ROCK1: variants seen among roughly 807,000 people sequenced by gnomAD.
The protein encoded by ROCK1 is Rho associated coiled-coil containing protein kinase 1.
In ROCK1, 36 loss-of-function variants were observed where a neutral mutation model predicts 196.8. The ratio of observed to expected loss-of-function variants is 0.18; its 90% confidence interval spans 0.14 to 0.24. ROCK1 has a LOEUF of 0.24. ROCK1 is among the 10% of genes least tolerant of loss of function. The probability of loss-of-function intolerance (pLI) is 1.00; values close to 1 mark genes in which losing one functional copy is unlikely to be tolerated. For synonymous variants in ROCK1, 443 were observed against 515.9 expected (o/e 0.86, Z 1.91); for missense variants, 920 against 1,562.0 (o/e 0.59, Z 6.93).
intron 9 of ROCK1, among the ~76,000 whole-genome samples, chr18:21,038,291 T>C (rs907981343): frequency 2.0e-5 from 3 of 152,168 alleles, no homozygotes; most frequent in Non-Finnish European, 2.9e-5. Flanking sequence ...TCCTAGTATA[T>C]AATTGCTAAT....
intron 13 of ROCK1, among the ~76,000 whole-genome samples, chr18:21,011,286 T>A (rs768514955): frequency 5.3e-5 from 8 of 152,156 alleles, no homozygotes; most frequent in Non-Finnish European, 1.2e-4. Context: ...TTAGCATTCC[T>A]TTTGATTTAA....
In ROCK1 at chr18:21,039,591, A is replaced by C. The variant is rs766993703; in HGVS notation, c.960-28T>G. Reference sequence around the variant, plus strand: ...GAATAATGACAGAAGGAGAAAAGTAATCAATCATTTAAGATCTTATTATAA... The same window carrying C: ...GAATAATGACAGAAGGAGAAAAGTACTCAATCATTTAAGATCTTATTATAA... On this transcript the variant is annotated intron_variant, in intron 8 of 32. Transcript: ENST00000399799. 16 of 1,488,456 alleles carry C rather than the reference A, an allele frequency of 1.1e-5. No homozygotes were observed. The Admixed American group carries it at 2.7e-4, about 25-fold the overall frequency. 92.2% of individuals were successfully genotyped at this position (1,488,456 alleles called of 1,614,324 possible). A position where few individuals can be genotyped will look rare whatever the true frequency, so the allele number is the denominator to read the frequency against.
At chr18:21,060,368 T>C (rs2036278173) in intron 2 of ROCK1, among the ~76,000 whole-genome samples, 1 of 152,170 alleles carries the variant, frequency 6.6e-6, no homozygotes, top group Non-Finnish European at 1.5e-5. Context: ...CAGTAGCAAA[T>C]GCGGCAAGGA....
chr18:21,021,319 A>G (rs1404002760), intron 11 of ROCK1, among the ~76,000 whole-genome samples: 1 of 152,216 alleles, frequency 6.6e-6, no homozygotes, highest in Non-Finnish European at 1.5e-5. Context: ...GCTGGACATG[A>G]ATGAGATTAC....
intron 27 of ROCK1, among the ~76,000 whole-genome samples, chr18:20,962,459 T>C (rs1472433349): frequency 6.6e-6 from 1 of 152,224 alleles, no homozygotes; most frequent in Non-Finnish European, 1.5e-5. Context: ...AAAATTTGTA[T>C]GCCAAAATAC....
At position 21,058,308 on chromosome 18, in the gene ROCK1, C is replaced by G. The variant is rs924992518; in HGVS notation, c.176-8428G>C. 2.0e-5 allele frequency among the ~76,000 whole-genome samples: 3 copies of G among 151,996 alleles called. No individual in the cohort carries two copies. The East Asian group carries it at 5.8e-4, about 29-fold the overall frequency. ...AAACAAAAGATGTATTTTGCCTACC[C>G]TAAGATCCTAGATTATAAAACGTAC... is the stretch of plus-strand genomic sequence containing the variant. On this transcript the variant is annotated intron_variant, in intron 2 of 32. Transcript: ENST00000399799.
At chr18:21,025,666 G>A (rs2035949411) in intron 10 of ROCK1, among the ~76,000 whole-genome samples, 1 of 152,140 alleles carries the variant, frequency 6.6e-6, no homozygotes, top group Non-Finnish European at 1.5e-5. Flanking sequence ...AACCCAGGAG[G>A]CAGAGATTGC....
At chr18:20,975,369 G>C (rs1032522651) in intron 22 of ROCK1, among the ~76,000 whole-genome samples, 2 of 152,158 alleles carry the variant, frequency 1.3e-5, no homozygotes, top group African/African-American at 2.4e-5. Flanking sequence ...CTGGAAGTAG[G>C]AGAGTGACTA....
Position 20,964,061 on chromosome 18 carries a change from C to G in ROCK1, c.3352+2856G>C, listed in dbSNP as rs115821590. On this transcript the variant is annotated intron_variant, in intron 27 of 32. Coordinates refer to ENST00000399799, the MANE Select transcript of ROCK1 (RefSeq NM_005406.3). ...ATGTGCAAGATAATTAAATTATAATCTTTATACTGAATGATGAAATATAAG... is the reference window on the plus strand; with the variant it reads ...ATGTGCAAGATAATTAAATTATAATGTTTATACTGAATGATGAAATATAAG... Among the ~76,000 whole-genome samples, 1,482 of 152,066 alleles carry G rather than the reference C, an allele frequency of 9.7e-3. 19 individuals carry two copies. Among genetic ancestry groups the G allele is most frequent in the African/African-American group, 0.034 (1,426 of 41,492 alleles).
chr18:21,096,252 T>G (rs556449816), intron 1 of ROCK1, among the ~76,000 whole-genome samples: 1 of 152,182 alleles, frequency 6.6e-6, no homozygotes, highest in East Asian at 1.9e-4. Flanking sequence ...CAGGCTGAAG[T>G]GCAGTGGCAC....
At chr18:21,076,672 TACACAC>T (rs112541303) in intron 1 of ROCK1, among the ~76,000 whole-genome samples, 40 of 146,234 alleles carry the variant, frequency 2.7e-4, no homozygotes, top group African/African-American at 8.6e-4. Context: ...TCTTGGTACA[TACACAC>T]ACACACACAC....
intron 1 of ROCK1, among the ~76,000 whole-genome samples, chr18:21,078,845 T>C (rs192344066): frequency 6.6e-6 from 1 of 152,330 alleles, no homozygotes; most frequent in African/African-American, 2.4e-5. Flanking sequence ...CCAATCCCTT[T>C]TGTAAAAGAC....
chr18:21,072,195 A>G (rs1382438090), intron 1 of ROCK1, among the ~76,000 whole-genome samples: 1 of 152,226 alleles, frequency 6.6e-6, no homozygotes, highest in Admixed American at 6.5e-5. Flanking sequence ...TGTGTTTGTT[A>G]ATGAAAAATG....
At position 21,019,741 on chromosome 18, in the gene ROCK1, T is replaced by C. The variant is rs187126416; in HGVS notation, c.1361+410A>G. ...TGAACCCGGGAGGCGGAGCTTGCAGTGAGCCAAGATCGTGCCACTGCACTC... is the reference window on the plus strand; with the variant it reads ...TGAACCCGGGAGGCGGAGCTTGCAGCGAGCCAAGATCGTGCCACTGCACTC... On this transcript the variant is annotated intron_variant, in intron 12 of 32. Transcript: ENST00000399799. Among the ~76,000 whole-genome samples, 481 of 149,876 alleles carry C rather than the reference T, an allele frequency of 3.2e-3. 16 individuals are homozygous for C. In the East Asian group the frequency reaches 0.065, roughly 20 times the overall value.
intron 9 of ROCK1, among the ~76,000 whole-genome samples, chr18:21,036,609 A>G (rs938582141): frequency 6.6e-6 from 1 of 151,936 alleles, no homozygotes; most frequent in African/African-American, 2.4e-5. Flanking sequence ...ACACCTGGCT[A>G]ATTTTTTATT....
intron 1 of ROCK1, among the ~76,000 whole-genome samples, chr18:21,079,184 T>C (rs971479833): frequency 2.0e-5 from 3 of 152,158 alleles, no homozygotes; most frequent in Non-Finnish European, 2.9e-5. Context: ...GTTATTGGGA[T>C]CCCAGTTAGG....
At chr18:21,104,188 C>G (rs1598564705) in intron 1 of ROCK1, among the ~76,000 whole-genome samples, 1 of 152,118 alleles carries the variant, frequency 6.6e-6, no homozygotes, top group East Asian at 1.9e-4. Flanking sequence ...TCCATAACAC[C>G]AAAACTTATA....
chr18:20,998,730 G>A (rs1478125808), intron 16 of ROCK1, among the ~76,000 whole-genome samples: 9 of 148,988 alleles, frequency 6.0e-5, no homozygotes, highest in Admixed American at 1.4e-4. Context: ...TCAGCCTCCC[G>A]AGTAGCTGGG....
chr18:21,075,129 G>C (rs1052492665), intron 1 of ROCK1, among the ~76,000 whole-genome samples: 1 of 152,174 alleles, frequency 6.6e-6, no homozygotes, highest in African/African-American at 2.4e-5. Flanking sequence ...GGGGGAGAAA[G>C]TGGCATAACT....
Sources: allele counts gnomAD v4.1 joint callset (sites outside exome capture counted in the v4.1 genomes callset), GRCh38; gene constraint gnomAD v4.1.1; transcripts MANE v1.5; gene names NCBI Gene and HGNC (gene_info 2026-07-23, HGNC 2026-07-21).